ARB2A: variants seen among roughly 807,000 people sequenced by gnomAD.
ARB2A encodes cotranscriptional regulator ARB2A.
the ARB2A span, among the ~76,000 whole-genome samples, chr5:94,105,821 A>C: frequency 5.6e-4 from 85 of 152,140 alleles, no homozygotes; most frequent in Non-Finnish European, 1.1e-3. Context: ...GAGAACCCAA[A>C]AATAAAGCCA....
chr5:94,046,364 TCTC>T, the ARB2A span, among the ~76,000 whole-genome samples: 1 of 151,870 alleles, frequency 6.6e-6, no homozygotes, highest in African/African-American at 2.4e-5. Context: ...AAGAGGGATC[TCTC>T]CTCAAGAGTT....
the ARB2A span, among the ~76,000 whole-genome samples, chr5:94,012,166 G>A: frequency 0.012 from 1,782 of 152,230 alleles, 20 homozygotes; most frequent in Non-Finnish European, 0.019. Context: ...ACTTTGGGAG[G>A]CCAAGGCGGG....
At chr5:93,638,419 A>C in the ARB2A span, among the ~76,000 whole-genome samples, 27 of 152,322 alleles carry the variant, frequency 1.8e-4, 1 homozygote, top group South Asian at 5.6e-3. Flanking sequence ...TGACTGATCA[A>C]ATCTATGAAC....
chr5:93,655,620 T>C, the ARB2A span, among the ~76,000 whole-genome samples: 16 of 152,056 alleles, frequency 1.1e-4, no homozygotes, highest in Non-Finnish European at 1.9e-4. Context: ...GAGCAAGACA[T>C]TTGGTTGGAT....
chr5:93,935,218 CA>C, the ARB2A span, among the ~76,000 whole-genome samples: 1 of 151,950 alleles, frequency 6.6e-6, no homozygotes, highest in South Asian at 2.1e-4. Context: ...ACCTGTTCCC[CA>C]AAAACCTATT....
At chr5:93,823,570 T>C in the ARB2A span, among the ~76,000 whole-genome samples, 1 of 152,172 alleles carries the variant, frequency 6.6e-6, no homozygotes, top group Non-Finnish European at 1.5e-5. Flanking sequence ...CTCAATGGTG[T>C]ATACATAAAG....
At chr5:93,998,454 A>C in the ARB2A span, among the ~76,000 whole-genome samples, 1 of 152,034 alleles carries the variant, frequency 6.6e-6, no homozygotes, top group Non-Finnish European at 1.5e-5. Context: ...CTCATGTCAG[A>C]TATATTTGTA....
the ARB2A span, among the ~76,000 whole-genome samples, chr5:93,903,510 T>C: frequency 6.6e-6 from 1 of 152,042 alleles, no homozygotes; most frequent in African/African-American, 2.4e-5. Context: ...AAACTGGACC[T>C]GCTAAAATTA....
chr5:93,901,022 T>C, the ARB2A span, among the ~76,000 whole-genome samples: 1 of 152,250 alleles, frequency 6.6e-6, no homozygotes, highest in African/African-American at 2.4e-5. Flanking sequence ...ACTTCTCTCC[T>C]CACCTTATAG....
chr5:93,827,223 G>GTA, the ARB2A span, among the ~76,000 whole-genome samples: 2 of 152,146 alleles, frequency 1.3e-5, no homozygotes, highest in Admixed American at 6.5e-5. Flanking sequence ...CAGTGTAAAA[G>GTA]TGTTCCTATT....
At chr5:93,625,964 T>A in the ARB2A span, among the ~76,000 whole-genome samples, 2 of 152,332 alleles carry the variant, frequency 1.3e-5, no homozygotes, top group East Asian at 3.9e-4. Context: ...TTCTTATACA[T>A]CAACCCTGCC....
At chr5:94,054,069 A>G in the ARB2A span, among the ~76,000 whole-genome samples, 1 of 152,146 alleles carries the variant, frequency 6.6e-6, no homozygotes, top group South Asian at 2.1e-4. Flanking sequence ...TGCCTCGCTG[A>G]GTTTTGGAGT....
the ARB2A span, among the ~76,000 whole-genome samples, chr5:93,909,443 AAT>A: frequency 6.6e-6 from 1 of 150,946 alleles, no homozygotes; most frequent in African/African-American, 2.4e-5. Flanking sequence ...ATGAAAAAAA[AAT>A]GTTATTGATC....
At chr5:94,003,495 A>G in the ARB2A span, among the ~76,000 whole-genome samples, 1 of 152,168 alleles carries the variant, frequency 6.6e-6, no homozygotes, top group Admixed American at 6.5e-5. Flanking sequence ...TCCTGAAACA[A>G]ATTGAGTACA....
the ARB2A span, among the ~76,000 whole-genome samples, chr5:94,002,772 A>G: frequency 1.3e-5 from 2 of 151,872 alleles, no homozygotes; most frequent in Non-Finnish European, 2.9e-5. Context: ...GAAATAACTT[A>G]CAAGATCCTG....
At chr5:93,791,182 G>A in the ARB2A span, among the ~76,000 whole-genome samples, 2 of 152,278 alleles carry the variant, frequency 1.3e-5, no homozygotes, top group East Asian at 3.9e-4. Flanking sequence ...ATATTGTAAA[G>A]GAAATAATCA....
chr5:94,038,711 CCTT>C, the ARB2A span, among the ~76,000 whole-genome samples: 1 of 151,674 alleles, frequency 6.6e-6, no homozygotes, highest in Non-Finnish European at 1.5e-5. Context: ...ATAATAATCT[CCTT>C]AAGAAAGAAA....
the ARB2A span, among the ~76,000 whole-genome samples, chr5:93,726,534 G>A: frequency 6.6e-6 from 1 of 152,066 alleles, no homozygotes; most frequent in Non-Finnish European, 1.5e-5. Context: ...GAGAAAGAAA[G>A]AATGAGGCCA....
the ARB2A span, among the ~76,000 whole-genome samples, chr5:93,921,124 T>C: frequency 1.4e-5 from 2 of 146,688 alleles, no homozygotes; most frequent in East Asian, 4.0e-4. Context: ...GCCCGCCATT[T>C]CAAGATAAAT....
Sources: allele counts gnomAD v4.1 joint callset (sites outside exome capture counted in the v4.1 genomes callset), GRCh38; gene constraint gnomAD v4.1.1; transcripts MANE v1.5; gene names NCBI Gene and HGNC (gene_info 2026-07-23, HGNC 2026-07-21).